OR56A3: variants seen among roughly 807,000 people sequenced by gnomAD.
OR56A3 encodes the protein olfactory receptor 56A3.
A neutral mutation model predicts 17.5 loss-of-function variants in OR56A3; 23 were observed. That is an observed-to-expected ratio of 1.32 (90% CI 0.95 to 1.87). OR56A3 has a LOEUF of 1.87. Ranked by LOEUF, OR56A3 falls within the 40% of genes most tolerant of loss-of-function variation. The pLI is 0.00. For missense variants in OR56A3, 366 were observed against 380.1 expected (o/e 0.96, Z 0.31); for synonymous variants, 175 against 150.6 (o/e 1.16, Z -1.19).
At chr11:5,992,314 C>G in the OR56A3 span, among the ~76,000 whole-genome samples, 1 of 152,204 alleles carries the variant, frequency 6.6e-6, no homozygotes. Flanking sequence ...CACCCAATGA[C>G]TGCTGATATA....
At chr11:5,959,904 A>G in the OR56A3 span, among the ~76,000 whole-genome samples, 913 of 152,190 alleles carry the variant, frequency 6.0e-3, 7 homozygotes, top group African/African-American at 0.021. Context: ...AGTTTTTCCG[A>G]TACTATTTAT....
the OR56A3 span, among the ~76,000 whole-genome samples, chr11:5,956,356 C>T: frequency 1.3e-5 from 2 of 152,056 alleles, no homozygotes; most frequent in African/African-American, 4.8e-5. Flanking sequence ...TAAATGAGTA[C>T]TGGCAGTCTC....
At chr11:5,970,930 CT>C in the OR56A3 span, among the ~76,000 whole-genome samples, 1 of 152,050 alleles carries the variant, frequency 6.6e-6, no homozygotes, top group Admixed American at 6.6e-5. Flanking sequence ...AGGCTGTTGA[CT>C]TTTAAAGACT....
the OR56A3 span, chr11:5,986,512 C>G: frequency 1.2e-6 from 2 of 1,613,770 alleles, no homozygotes; most frequent in African/African-American, 2.7e-5. Flanking sequence ...GGCTACATAG[C>G]GATCCAGAGC....
chr11:6,011,410 G>T, the OR56A3 span, among the ~76,000 whole-genome samples: 7 of 152,034 alleles, frequency 4.6e-5, no homozygotes, highest in Non-Finnish European at 5.9e-5. Context: ...TTAAACCCTT[G>T]TTAGCTCTGT....
At chr11:6,019,758 A>G in the OR56A3 span, 35 of 152,278 alleles carry the variant, frequency 2.3e-4, no homozygotes, top group African/African-American at 7.9e-4. Flanking sequence ...CCTGACTTCT[A>G]AACTTAAAAT....
At chr11:5,969,156 C>A in the OR56A3 span, among the ~76,000 whole-genome samples, 1 of 152,156 alleles carries the variant, frequency 6.6e-6, no homozygotes, top group African/African-American at 2.4e-5. Flanking sequence ...TAATCCAAGC[C>A]TGCACAAGTG....
the OR56A3 span, among the ~76,000 whole-genome samples, chr11:6,013,083 G>T: frequency 6.6e-6 from 1 of 152,232 alleles, no homozygotes; most frequent in Admixed American, 6.5e-5. Context: ...CTGTGCCCAG[G>T]GGTGTGGGAC....
the OR56A3 span, among the ~76,000 whole-genome samples, chr11:5,998,037 T>G: frequency 1.3e-5 from 2 of 151,826 alleles, no homozygotes; most frequent in African/African-American, 2.4e-5. Context: ...GCAATAGGAG[T>G]GAGGAAACTG....
At chr11:5,951,408 TA>T (rs531654365), downstream of OR56A3, 27 of 152,254 alleles carry the variant, frequency 1.8e-4, 1 homozygote, top group East Asian at 5.0e-3. Flanking sequence ...GTTCTTTTAA[TA>T]AAATGTATTT....
the OR56A3 span, among the ~76,000 whole-genome samples, chr11:5,991,839 G>A: frequency 6.6e-6 from 1 of 152,096 alleles, no homozygotes; most frequent in Non-Finnish European, 1.5e-5. Flanking sequence ...GGGCAAGCAG[G>A]ATATTATTAC....
chr11:5,951,997 TAATTTG>T (rs2134366404), downstream of OR56A3, among the ~76,000 whole-genome samples: 1 of 152,352 alleles, frequency 6.6e-6, no homozygotes, highest in South Asian at 2.1e-4. Context: ...TTGATTTGAT[TAATTTG>T]AAATAAGATA....
At chr11:5,982,584 C>T in the OR56A3 span, among the ~76,000 whole-genome samples, 5 of 152,218 alleles carry the variant, frequency 3.3e-5, no homozygotes, top group African/African-American at 1.2e-4. Context: ...GTCGCACAGG[C>T]AAGATATCCC....
chr11:5,957,858 T>A, the OR56A3 span, among the ~76,000 whole-genome samples: 1 of 152,178 alleles, frequency 6.6e-6, no homozygotes, highest in Non-Finnish European at 1.5e-5. Flanking sequence ...TAGCAAAGAA[T>A]CCTTAGAGAA....
the OR56A3 span, among the ~76,000 whole-genome samples, chr11:5,960,768 A>C: frequency 6.8e-6 from 1 of 146,388 alleles, no homozygotes; most frequent in African/African-American, 2.6e-5. Context: ...CAGTCTGGGA[A>C]GTGAGGAATG....
At chr11:6,003,780 G>A in the OR56A3 span, among the ~76,000 whole-genome samples, 72 of 152,292 alleles carry the variant, frequency 4.7e-4, 1 homozygote, top group Admixed American at 1.3e-4. Context: ...GTAATCAAAT[G>A]AGCTGAAGTT....
chr11:6,009,765 T>C, the OR56A3 span, among the ~76,000 whole-genome samples: 1 of 152,208 alleles, frequency 6.6e-6, no homozygotes, highest in Non-Finnish European at 1.5e-5. Context: ...TATGATTAAT[T>C]AAGCTCCTGA....
the OR56A3 span, chr11:6,000,547 G>A: frequency 6.6e-6 from 1 of 151,960 alleles, no homozygotes; most frequent in Non-Finnish European, 1.5e-5. Flanking sequence ...ACGCCAACAT[G>A]GCACATGTAT....
At chr11:6,002,680 A>G in the OR56A3 span, 3 of 1,614,236 alleles carry the variant, frequency 1.9e-6, no homozygotes, top group South Asian at 2.2e-5. Context: ...TTCATGATGA[A>G]CATCTGGAGG....
Sources: allele counts gnomAD v4.1 joint callset (sites outside exome capture counted in the v4.1 genomes callset), GRCh38; gene constraint gnomAD v4.1.1; transcripts MANE v1.5; gene names NCBI Gene and HGNC (gene_info 2026-07-23, HGNC 2026-07-21).